Variants in LIN7A observed in about 807,000 individuals in gnomAD.
The protein encoded by LIN7A is protein lin-7 homolog A.
Under a neutral mutation model 29.8 loss-of-function variants are expected in LIN7A, and 25 were observed. The ratio of observed to expected loss-of-function variants is 0.84; its 90% CI spans 0.61 to 1.17. The LOEUF is 1.17. Among genes scored for constraint, LIN7A ranks in the 50% most tolerant of loss-of-function variants. The probability of loss-of-function intolerance (pLI) is 0.00; values close to 1 mark genes in which losing one functional copy is unlikely to be tolerated. For synonymous variants in LIN7A, 118 were observed against 107.5 expected (o/e 1.10, Z -0.60); for missense variants, 239 against 287.0 (o/e 0.83, Z 1.21).
At chr12:80,858,866 C>A (rs1873732353) in intron 2 of LIN7A, among the ~76,000 whole-genome samples, 1 of 152,040 alleles carries the variant, frequency 6.6e-6, no homozygotes, top group African/African-American at 2.4e-5. Context: ...ATAAGGTTTA[C>A]TTTTTAAAAT....
intron 2 of LIN7A, among the ~76,000 whole-genome samples, chr12:80,862,142 C>A (rs1317004392): frequency 2.0e-5 from 3 of 152,106 alleles, no homozygotes; most frequent in Non-Finnish European, 2.9e-5. Flanking sequence ...CAACTATCAC[C>A]AAGTCCTTCA....
chr12:80,879,987 G>A (rs1874943340), intron 2 of LIN7A, among the ~76,000 whole-genome samples: 1 of 152,190 alleles, frequency 6.6e-6, no homozygotes, highest in Admixed American at 6.5e-5. Flanking sequence ...AAGGGAAGAT[G>A]TTTGAATGCT....
At chr12:80,843,373 C>T (rs547247715) in intron 4 of LIN7A, among the ~76,000 whole-genome samples, 1 of 152,226 alleles carries the variant, frequency 6.6e-6, no homozygotes, top group South Asian at 2.1e-4. Flanking sequence ...TCATCTGCCT[C>T]ACGTGAACCT....
chr12:80,858,757 G>A (rs939488547), intron 2 of LIN7A, among the ~76,000 whole-genome samples: 4 of 152,114 alleles, frequency 2.6e-5, no homozygotes, highest in East Asian at 1.9e-4. Flanking sequence ...TTTGGATTAC[G>A]CTGATGTGAA....
intron 4 of LIN7A, among the ~76,000 whole-genome samples, chr12:80,812,352 T>C (rs1871330857): frequency 6.6e-6 from 1 of 151,612 alleles, no homozygotes; most frequent in Non-Finnish European, 1.5e-5. Flanking sequence ...ACATTAATCA[T>C]TTTTCAATAG....
At chr12:80,817,927 C>A (rs1227275635) in intron 4 of LIN7A, among the ~76,000 whole-genome samples, 2 of 151,934 alleles carry the variant, frequency 1.3e-5, no homozygotes, top group African/African-American at 4.8e-5. Flanking sequence ...GAACTAATGG[C>A]AAGAAAAAGA....
intron 1 of LIN7A, among the ~76,000 whole-genome samples, chr12:80,919,125 T>C (rs1877169602): frequency 6.6e-6 from 1 of 152,174 alleles, no homozygotes; most frequent in Non-Finnish European, 1.5e-5. Flanking sequence ...TGTATTTCCA[T>C]CGTTAAGGAA....
At chr12:80,820,253 C>T (rs1294268152) in intron 4 of LIN7A, among the ~76,000 whole-genome samples, 1 of 151,904 alleles carries the variant, frequency 6.6e-6, no homozygotes, top group East Asian at 1.9e-4. Flanking sequence ...AACTAAACAC[C>T]ACAAAAGAGC....
chr12:80,908,133 T>C (rs559936579), intron 1 of LIN7A, among the ~76,000 whole-genome samples: 1 of 152,258 alleles, frequency 6.6e-6, no homozygotes, highest in African/African-American at 2.4e-5. Context: ...TTCCCCACTG[T>C]ACTACTCAAT....
intron 2 of LIN7A, among the ~76,000 whole-genome samples, chr12:80,852,276 A>G (rs2121549503): frequency 6.6e-6 from 1 of 152,298 alleles, no homozygotes; most frequent in African/African-American, 2.4e-5. Flanking sequence ...TTATTTACCA[A>G]GTTTACATAC....
intron 1 of LIN7A, among the ~76,000 whole-genome samples, chr12:80,910,103 T>G (rs1876680221): frequency 6.6e-6 from 1 of 152,200 alleles, no homozygotes; most frequent in Admixed American, 6.5e-5. Context: ...TTTTTGCACA[T>G]ATTGTGTTAA....
intron 2 of LIN7A, among the ~76,000 whole-genome samples, chr12:80,862,598 T>C (rs1026932968): frequency 1.3e-5 from 2 of 152,188 alleles, no homozygotes; most frequent in Non-Finnish European, 2.9e-5. Context: ...GAACGAAGCT[T>C]ATCTAACACG....
chr12:80,902,613 C>A (rs1367438632), intron 1 of LIN7A, among the ~76,000 whole-genome samples: 2 of 151,774 alleles, frequency 1.3e-5, no homozygotes, highest in Admixed American at 6.6e-5. Flanking sequence ...ATTTCATTTT[C>A]TTTGTGGCTA....
chr12:80,864,093 T>C (rs1017113517), intron 2 of LIN7A, among the ~76,000 whole-genome samples: 5 of 152,154 alleles, frequency 3.3e-5, no homozygotes, highest in South Asian at 2.1e-4. Flanking sequence ...ATTATTTATA[T>C]CTATAGAAGT....
chr12:80,929,587 G>T (rs988375356), intron 1 of LIN7A, among the ~76,000 whole-genome samples: 3 of 152,066 alleles, frequency 2.0e-5, no homozygotes, highest in African/African-American at 7.2e-5. Context: ...GAGTTGTGGG[G>T]TCATGAATAT....
At chr12:80,899,327 A>C (rs962122992) in intron 1 of LIN7A, among the ~76,000 whole-genome samples, 5 of 152,166 alleles carry the variant, frequency 3.3e-5, no homozygotes, top group Non-Finnish European at 7.3e-5. Context: ...CCCAAGGATA[A>C]AGCTTTTTCG....
Position 80,797,563 on chromosome 12 carries a change from G to A in LIN7A, c.*164C>T, listed in dbSNP as rs1191529929. 1 of 152,650 alleles carries A rather than the reference G, an allele frequency of 6.6e-6. No individual in the cohort carries two copies. Among genetic ancestry groups the A allele is most frequent in the African/African-American group, 2.4e-5 (1 of 41,452 alleles). The allele number at this position is 152,650 out of a possible 1,614,324, so 9.5% of individuals were successfully genotyped here. On this transcript the variant is annotated 3_prime_UTR_variant, in exon 6 of 6. Coordinates refer to ENST00000552864, the MANE Select transcript of LIN7A (RefSeq NM_004664.4). ...CAGTGGCGGTTCAAGCCCAGAGAAA[G>A]AAGGTGTTGAGTTGCCTTGGTAAAG...
intron 5 of LIN7A, among the ~76,000 whole-genome samples, chr12:80,798,289 C>G (rs1870549539): frequency 6.6e-6 from 1 of 152,200 alleles, no homozygotes; most frequent in East Asian, 1.9e-4. Context: ...CACTCTTCCA[C>G]TATTAGAGGG....
At chr12:80,811,390 T>G (rs374043500) in intron 5 of LIN7A, 75 bp downstream of exon 5, 3 of 530,040 alleles carry the variant, frequency 5.7e-6, no homozygotes, top group Non-Finnish European at 1.0e-5. Context: ...ATATTTTAAG[T>G]ATATTCATAT....
Sources: gnomAD v4.1 joint callset for allele counts (sites outside exome capture counted in the v4.1 genomes callset) on GRCh38, gnomAD v4.1.1 for gene constraint, MANE v1.5 for transcripts, NCBI Gene and HGNC (gene_info 2026-07-23, HGNC 2026-07-21) for gene names.